SLC25A13: variants seen among roughly 807,000 people sequenced by gnomAD.
SLC25A13 encodes the protein solute carrier family 25 member 13.
Under a neutral mutation model 85.5 loss-of-function variants are expected in SLC25A13, and 70 were observed. The ratio of observed to expected loss-of-function variants is 0.82; its 90% confidence interval spans 0.68 to 1.00. The LOEUF (loss-of-function observed/expected upper bound fraction) is 1.00, where lower values mean the gene tolerates loss of function less well. Among genes scored for constraint, SLC25A13 ranks in the 50% least tolerant of loss-of-function variants. The pLI is 0.00. For synonymous variants in SLC25A13, 259 were observed against 288.7 expected, an observed-to-expected ratio of 0.90 and a Z score of 1.04; for missense variants, 765 against 819.8, an observed-to-expected ratio of 0.93 and a Z score of 0.82.
intron 5 of SLC25A13, among the ~76,000 whole-genome samples, chr7:96,205,401 C>T (rs1164209129): frequency 6.6e-6 from 1 of 152,194 alleles, no homozygotes. Context: ...CACATACCTA[C>T]CCACATATAC....
chr7:96,144,668 A>G (rs1433381475), intron 14 of SLC25A13, among the ~76,000 whole-genome samples: 3 of 152,222 alleles, frequency 2.0e-5, no homozygotes, highest in Non-Finnish European at 4.4e-5. Flanking sequence ...CAGCTCAGAT[A>G]CCATGGTTGG....
intron 2 of SLC25A13, among the ~76,000 whole-genome samples, chr7:96,277,562 T>C (rs1338873321): frequency 2.0e-5 from 3 of 152,128 alleles, no homozygotes; most frequent in Non-Finnish European, 2.9e-5. Flanking sequence ...ACAGGGACAC[T>C]TGGCAATATC....
At chr7:96,248,060 T>G (rs187826126) in intron 3 of SLC25A13, among the ~76,000 whole-genome samples, 13 of 152,204 alleles carry the variant, frequency 8.5e-5, no homozygotes, top group African/African-American at 3.1e-4. Context: ...CAATGTGCTT[T>G]TTCTACAGTC....
intron 5 of SLC25A13, among the ~76,000 whole-genome samples, chr7:96,196,372 TCAGA>T (rs1229798290): frequency 6.6e-5 from 10 of 152,220 alleles, no homozygotes; most frequent in African/African-American, 2.2e-4. Context: ...TTAGAGATCC[TCAGA>T]CAATTATACC....
At chr7:96,262,125 A>C (rs1428640835) in intron 3 of SLC25A13, among the ~76,000 whole-genome samples, 1 of 152,192 alleles carries the variant, frequency 6.6e-6, no homozygotes, top group East Asian at 1.9e-4. Context: ...TTTTAATTTA[A>C]GCAACTCCAC....
chr7:96,250,484 G>A (rs1012540172), intron 3 of SLC25A13, among the ~76,000 whole-genome samples: 8 of 152,178 alleles, frequency 5.3e-5, no homozygotes, highest in African/African-American at 7.2e-5. Flanking sequence ...AGGACATGCC[G>A]AATGGTTGGA....
intron 3 of SLC25A13, among the ~76,000 whole-genome samples, chr7:96,274,990 G>T (rs181790004): frequency 2.6e-5 from 4 of 152,104 alleles, no homozygotes; most frequent in Non-Finnish European, 5.9e-5. Context: ...TTGGCAATGT[G>T]GGCTCTTTTT....
At chr7:96,197,857 T>C (rs1795118009) in intron 5 of SLC25A13, among the ~76,000 whole-genome samples, 1 of 152,038 alleles carries the variant, frequency 6.6e-6, no homozygotes, top group Non-Finnish European at 1.5e-5. Context: ...TAAAAGACTA[T>C]CAAGTAAAAA....
At chr7:96,165,213 T>C (rs1793694393) in intron 13 of SLC25A13, among the ~76,000 whole-genome samples, 1 of 151,858 alleles carries the variant, frequency 6.6e-6, no homozygotes, top group South Asian at 2.1e-4. Context: ...ATACAGAATG[T>C]TTGAAGGTGG....
chr7:96,254,772 T>C (rs1253831050), intron 3 of SLC25A13, among the ~76,000 whole-genome samples: 1 of 152,066 alleles, frequency 6.6e-6, no homozygotes, highest in African/African-American at 2.4e-5. Context: ...AATTTACTTA[T>C]ATTTGGGGAA....
intron 13 of SLC25A13, among the ~76,000 whole-genome samples, chr7:96,147,326 A>G (rs932980391): frequency 6.6e-6 from 1 of 152,196 alleles, no homozygotes; most frequent in African/African-American, 2.4e-5. Context: ...TTACTTGTGT[A>G]CAGAATTGCT....
chr7:96,202,295 A>G (rs2116693817), intron 5 of SLC25A13, among the ~76,000 whole-genome samples: 1 of 152,272 alleles, frequency 6.6e-6, no homozygotes, highest in Middle Eastern at 3.4e-3. Context: ...ATTTACTACA[A>G]TTCATGTCTT....
At chr7:96,197,097 C>T (rs1172638508) in intron 5 of SLC25A13, among the ~76,000 whole-genome samples, 1 of 152,150 alleles carries the variant, frequency 6.6e-6, no homozygotes, top group Admixed American at 6.5e-5. Flanking sequence ...TTTCTACTCC[C>T]CAGCCCTCTA....
intron 4 of SLC25A13, among the ~76,000 whole-genome samples, chr7:96,232,648 GAAA>G (rs34636842): frequency 0.54 from 71,825 of 131,996 alleles, 19,012 homozygotes; most frequent in Non-Finnish European, 0.61. Context: ...AAAGAAAAAT[GAAA>G]AAAAAAAAAA....
intron 13 of SLC25A13, among the ~76,000 whole-genome samples, chr7:96,151,012 C>G (rs938639160): frequency 6.6e-6 from 1 of 151,996 alleles, no homozygotes; most frequent in South Asian, 2.1e-4. Flanking sequence ...TATGACAGTT[C>G]AAAGGAGGGC....
chr7:96,159,080 C>T (rs1210885495), intron 13 of SLC25A13, among the ~76,000 whole-genome samples: 1 of 152,154 alleles, frequency 6.6e-6, no homozygotes, highest in Non-Finnish European at 1.5e-5. Context: ...AGACGGCATT[C>T]AGCAACCTCA....
At chr7:96,225,363 A>G (rs542015472) in intron 4 of SLC25A13, among the ~76,000 whole-genome samples, 2 of 152,182 alleles carry the variant, frequency 1.3e-5, no homozygotes, top group African/African-American at 4.8e-5. Flanking sequence ...TGGGCAACAT[A>G]GTTAAACTCA....
Position 96,170,088 on chromosome 7 carries a change from T to C in SLC25A13, c.1268A>G (p.Asp423Gly), listed in dbSNP as rs1584404286. ...DFVRDKFMHK[D>G]GSVPLAAEIL... The stretch of plus-strand genomic sequence containing the variant: ...TTCTGCTGCAAGTGGGACCGAACCA[T>C]CTTTGTGCATAAATTTATCCCTCAC... Residue 423 changes from aspartate (D) to glycine (G), a missense_variant, in exon 13 of 18, where the codon GAT (aspartate) becomes GGT (glycine). By Grantham distance (94) the Asp-to-Gly change is moderately conservative. Coordinates refer to ENST00000265631, the MANE Select transcript of SLC25A13 (RefSeq NM_014251.3). 1 of 1,614,186 alleles carries C rather than the reference T, an allele frequency of 6.2e-7. No individual in the cohort carries two copies. The highest frequency in any genetic ancestry group is 8.5e-7 in the Non-Finnish European group (1 of 1,180,024).
intron 1 of SLC25A13, among the ~76,000 whole-genome samples, chr7:96,316,797 A>G (rs1800142084): frequency 6.6e-6 from 1 of 152,104 alleles, no homozygotes; most frequent in Non-Finnish European, 1.5e-5. Flanking sequence ...GTTTACACTG[A>G]GACACCTACC....
Sources: allele counts gnomAD v4.1 joint callset (sites outside exome capture counted in the v4.1 genomes callset), GRCh38; gene constraint gnomAD v4.1.1; transcripts MANE v1.5; gene names NCBI Gene and HGNC (gene_info 2026-07-23, HGNC 2026-07-21).